SPART: variants seen among roughly 807,000 people sequenced by gnomAD.
SPART encodes spastic paraplegia 20 (Troyer syndrome).
A neutral mutation model predicts 58.7 loss-of-function variants in SPART; 35 were observed. That is an observed-to-expected ratio of 0.60 (90% confidence interval 0.46 to 0.79). SPART has a LOEUF of 0.79. Among genes scored for constraint, SPART ranks in the 30% least tolerant of loss-of-function variants. The probability of loss-of-function intolerance (pLI) is 0.00; values close to 1 mark genes in which losing one functional copy is unlikely to be tolerated. For missense variants in SPART, 730 were observed against 786.1 expected (o/e 0.93, Z 0.85); for synonymous variants, 284 against 280.7 (o/e 1.01, Z -0.12).
intron 1 of SPART, among the ~76,000 whole-genome samples, chr13:36,352,786 CAAA>C (rs34599910): frequency 2.6e-5 from 3 of 113,378 alleles, no homozygotes; most frequent in Non-Finnish European, 1.8e-5. Context: ...ATCCCGTTTC[CAAA>C]AAAAAAAAAA....
At chr13:36,350,091 A>G (rs929213103), upstream of SPART, among the ~76,000 whole-genome samples, 1 of 152,234 alleles carries the variant, frequency 6.6e-6, no homozygotes, top group Admixed American at 6.5e-5. Flanking sequence ...AACATTTAAT[A>G]TATCTTATTG....
intron 6 of SPART, among the ~76,000 whole-genome samples, chr13:36,312,956 T>G (rs889226472): frequency 6.6e-6 from 1 of 152,008 alleles, no homozygotes; most frequent in African/African-American, 2.4e-5. Flanking sequence ...ATATCTCAGT[T>G]ATCTCGGTGA....
rs752526396 is a variant in SPART at position 36,303,556 on chromosome 13, C to T, written c.*809G>A. 6.6e-6 allele frequency: 1 copy of T among 151,836 alleles called. No individual in the cohort carries two copies. The highest frequency in any genetic ancestry group is 1.5e-5 in the Non-Finnish European group (1 of 67,930). The allele number at this position is 151,836 out of a possible 1,614,324, so 9.4% of individuals were successfully genotyped here. A position where few individuals can be genotyped will look rare whatever the true frequency, so the allele number is the denominator to read the frequency against. ...CAATTGTTTATATATATTTTTTTTA[C>T]AAGTTTTAACCTTTTGGAAAAACAG... On this transcript the variant is annotated 3_prime_UTR_variant, in exon 9 of 9. Transcript: ENST00000438666.
intron 1 of SPART, among the ~76,000 whole-genome samples, chr13:36,344,874 G>A (rs1026821322): frequency 1.3e-5 from 2 of 152,130 alleles, no homozygotes; most frequent in Admixed American, 1.3e-4. Flanking sequence ...AATCTGTTCC[G>A]ATACCAGTAG....
At chr13:36,364,665 G>A (rs1169892341) in intron 1 of SPART, among the ~76,000 whole-genome samples, 2 of 152,130 alleles carry the variant, frequency 1.3e-5, no homozygotes, top group African/African-American at 4.8e-5. Context: ...GGAAATATTT[G>A]GGCTAGTGCA....
At chr13:36,305,002 A>C (rs1434359261) in intron 8 of SPART, among the ~76,000 whole-genome samples, 1 of 152,142 alleles carries the variant, frequency 6.6e-6, no homozygotes, top group African/African-American at 2.4e-5. Context: ...AGAAGCAACT[A>C]ATCTAGAGTC....
intron 5 of SPART, among the ~76,000 whole-genome samples, chr13:36,314,802 C>G (rs1881509448): frequency 6.6e-6 from 1 of 152,268 alleles, no homozygotes; most frequent in Non-Finnish European, 1.5e-5. Flanking sequence ...TATTCTTGTT[C>G]TTTTTGCCTT....
At chr13:36,363,419 G>C (rs1365246707) in intron 1 of SPART, among the ~76,000 whole-genome samples, 2 of 150,860 alleles carry the variant, frequency 1.3e-5, no homozygotes, top group East Asian at 2.0e-4. Context: ...CTCTCTCTCT[G>C]AACTCTAGAG....
chr13:36,357,915 C>T (rs1885683648), intron 1 of SPART, among the ~76,000 whole-genome samples: 1 of 152,134 alleles, frequency 6.6e-6, no homozygotes, highest in Admixed American at 6.5e-5. Context: ...GAACAGCTAA[C>T]ACTTTTCTGG....
chr13:36,335,172 T>A lies in SPART; in HGVS notation c.659A>T (p.Glu220Val). The A allele has an allele frequency of 1.9e-6, 3 of 1,614,098 alleles. No homozygotes were observed. Among genetic ancestry groups the A allele is most frequent in the Non-Finnish European group, 2.5e-6 (3 of 1,180,016 alleles). ...TACTCCATTTGGTATCAAAATCAAT[T>A]CATCTGCATCCAGCCCTAAGGTCTC... is the stretch of plus-strand genomic sequence containing the variant. ...PLETLGLDAD[E>V]LILIPNGVQI... The change falls in exon 2 of 9, where the codon GAA becomes GTA. Residue 220 changes from glutamate to valine, a missense_variant. Glu to Val is a moderately radical substitution (Grantham distance 121, BLOSUM62 -2). Transcript: ENST00000438666.
intron 5 of SPART, 108 bp from the exon 6 acceptor site, chr13:36,314,529 G>A: frequency 9.3e-7 from 1 of 1,070,360 alleles, no homozygotes; most frequent in Middle Eastern, 2.0e-4. Flanking sequence ...TTGATATTCA[G>A]ATGCTAAATG....
intron 1 of SPART, among the ~76,000 whole-genome samples, chr13:36,337,642 C>T (rs972528095): frequency 6.6e-6 from 1 of 152,202 alleles, no homozygotes; most frequent in African/African-American, 2.4e-5. Flanking sequence ...AATTAAACCT[C>T]TTTTCTTTAT....
intron 1 of SPART, among the ~76,000 whole-genome samples, chr13:36,360,968 G>A (rs1885834597): frequency 6.6e-6 from 1 of 152,168 alleles, no homozygotes. Context: ...AGACAACTCT[G>A]TCCAGAAATG....
Position 36,326,690 on chromosome 13 carries a change from A to C in SPART, c.1173T>G (p.Asp391Glu). 2.5e-6 allele frequency: 4 copies of C among 1,612,926 alleles called. No individual in the cohort carries two copies. The highest frequency in any genetic ancestry group is 2.5e-6 in the Non-Finnish European group (3 of 1,179,782). The change falls in exon 5 of 9, where the codon GAT (aspartate) becomes GAG (glutamate). Residue 391 changes from aspartate to glutamate, a missense_variant. Asp to Glu is a conservative substitution (Grantham distance 45, BLOSUM62 2). Coordinates refer to ENST00000438666, the MANE Select transcript of SPART (RefSeq NM_015087.5). ...TCAGGTTAACTTCTTCACTTGAAGT[A>C]TCTTTAGCCTAAACAGTAAAAATGT... ...HKGKRGKRAK[D>E]TSSEEVNLSH...
At chr13:36,329,806 G>A (rs1883297218) in intron 3 of SPART, among the ~76,000 whole-genome samples, 1 of 152,178 alleles carries the variant, frequency 6.6e-6, no homozygotes, top group Non-Finnish European at 1.5e-5. Flanking sequence ...TGAATCAGAT[G>A]CAGCTACATT....
chr13:36,321,193 C>CTA (rs1198830276), intron 5 of SPART, among the ~76,000 whole-genome samples: 1 of 152,164 alleles, frequency 6.6e-6, no homozygotes, highest in Admixed American at 6.5e-5. Flanking sequence ...TATCTTCTGT[C>CTA]TACTCATACT....
chr13:36,329,752 C>T (rs898340102), intron 3 of SPART, among the ~76,000 whole-genome samples: 6 of 152,138 alleles, frequency 3.9e-5, no homozygotes, highest in African/African-American at 9.7e-5. Flanking sequence ...CAAAAGACAA[C>T]GTGTAAAAGA....
rs146683642 is a variant in SPART, at chr13:36,304,427, C to T, written c.1939G>A (p.Val647Met). ...GTCTGCTCATCCTTCTCCCCTCTCA[C>T]GTTGACATTTGCTGCTCCTTCTTGA... The part of the protein sequence containing the change: ...ENQEGAANVN[V>M]RGEKDEQTKE... Residue 647 changes from valine (V) to methionine (M), a missense_variant, in exon 9 of 9, where the codon GTG becomes ATG. By Grantham distance (21) the Val-to-Met change is conservative. Coordinates refer to ENST00000438666, the MANE Select transcript of SPART (RefSeq NM_015087.5). 281 of 1,614,112 alleles carry T rather than the reference C, an allele frequency of 1.7e-4. 2 individuals are homozygous for T. The African/African-American group carries it at 3.1e-3, about 18-fold the overall frequency.
intron 8 of SPART, among the ~76,000 whole-genome samples, chr13:36,307,965 T>C (rs1236258042): frequency 6.6e-6 from 1 of 152,130 alleles, no homozygotes; most frequent in Non-Finnish European, 1.5e-5. Context: ...AAAATAACTA[T>C]TTTGGAGAGC....
Sources: allele counts gnomAD v4.1 joint callset (sites outside exome capture counted in the v4.1 genomes callset), GRCh38; gene constraint gnomAD v4.1.1; transcripts MANE v1.5; gene names NCBI Gene and HGNC (gene_info 2026-07-23, HGNC 2026-07-21).